Variants in ANKRD28 observed in about 807,000 individuals in gnomAD.
ANKRD28 encodes ankyrin repeat domain 28.
In ANKRD28, 44 loss-of-function variants were observed where a neutral mutation model predicts 126.5. The ratio of observed to expected loss-of-function variants is 0.35; its 90% CI spans 0.27 to 0.45. The LOEUF (loss-of-function observed/expected upper bound fraction) is 0.45, where lower values mean the gene tolerates loss of function less well. Among genes scored for constraint, ANKRD28 ranks in the 20% least tolerant of loss-of-function variants. ANKRD28 has a pLI of 1.00. For missense variants in ANKRD28, 1,110 were observed against 1,316.6 expected (o/e 0.84, Z 2.43); for synonymous variants, 442 against 468.5 (o/e 0.94, Z 0.73).
rs1287533089 is a variant in ANKRD28, at chr3:15,767,066, G to GT, written c.202-755dup. ...AAGTTTTTTCTTAACATTCCTGCTA[G>GT]TTTTACTTTCATCTCCAAAATATAT... On this transcript the variant is annotated intron_variant, in intron 2 of 27. Transcript: ENST00000683139. Among the ~76,000 whole-genome samples, 3 of 152,240 alleles carry GT rather than the reference G, an allele frequency of 2.0e-5. No individual in the cohort carries two copies. In the East Asian group the frequency reaches 5.8e-4, roughly 29 times the overall value.
intron 1 of ANKRD28, among the ~76,000 whole-genome samples, chr3:15,821,058 C>T (rs981907037): frequency 3.9e-5 from 6 of 152,088 alleles, no homozygotes; most frequent in African/African-American, 9.7e-5. Context: ...TATCCATTGC[C>T]GGATGTTTAG....
At chr3:15,731,638 G>A (rs1355501410) in intron 6 of ANKRD28, among the ~76,000 whole-genome samples, 1 of 151,956 alleles carries the variant, frequency 6.6e-6, no homozygotes, top group African/African-American at 2.4e-5. Context: ...AGGGACATTT[G>A]CAGAAGTTCA....
intron 1 of ANKRD28, among the ~76,000 whole-genome samples, chr3:15,807,917 C>T (rs1207076373): frequency 6.6e-6 from 1 of 152,196 alleles, no homozygotes; most frequent in Non-Finnish European, 1.5e-5. Context: ...GTTGGCTACT[C>T]ATATGGGGCA....
At chr3:15,771,740 G>A (rs77467265) in intron 2 of ANKRD28, among the ~76,000 whole-genome samples, 1 of 152,030 alleles carries the variant, frequency 6.6e-6, no homozygotes, top group African/African-American at 2.4e-5. Flanking sequence ...ACATCCAAAC[G>A]ATATCATTTA....
In ANKRD28 at chr3:15,814,628, A is replaced by AAC. The variant is rs140629073; in HGVS notation, c.28-19324_28-19323dup. On this transcript the variant is annotated intron_variant, in intron 1 of 27. Transcript: ENST00000399451. The surrounding 1 kb of genome is among the most constrained non-coding windows in gnomAD (Gnocchi z 4.7). ...GTCATTCTCATAAATCTTAAACACA[A>AAC]ACACACACACACACATATACACACA... 1.6e-4 allele frequency among the ~76,000 whole-genome samples: 24 copies of AAC among 151,278 alleles called. 1 individual carries two copies. In the South Asian group the frequency reaches 3.1e-3, roughly 20 times the overall value.
At chr3:15,731,378 CT>C (rs2074584635) in intron 6 of ANKRD28, among the ~76,000 whole-genome samples, 2 of 152,176 alleles carry the variant, frequency 1.3e-5, no homozygotes, top group South Asian at 4.1e-4. Context: ...ATGTAAGCCT[CT>C]TAACGTAAGA....
At chr3:15,859,441 T>G (rs760545920) in exon 1 of ANKRD28, 15 of 1,455,968 alleles carry the variant, frequency 1.0e-5, no homozygotes, top group East Asian at 5.4e-5. Context: ...CTCCTCCTCC[T>G]CCGCCGCTGC....
upstream of ANKRD28, among the ~76,000 whole-genome samples, chr3:15,798,619 C>A (rs2060380279): frequency 6.6e-6 from 1 of 151,814 alleles, no homozygotes; most frequent in African/African-American, 2.4e-5. Context: ...GGGAATAAAG[C>A]CTTAAAAATC....
chr3:15,794,810 A>C (rs1209242900), intron 2 of ANKRD28, among the ~76,000 whole-genome samples: 1 of 152,244 alleles, frequency 6.6e-6, no homozygotes, highest in Non-Finnish European at 1.5e-5. Context: ...ACTTACAAGA[A>C]TCCTCATTTG....
At chr3:15,731,013 T>G (rs1005732890) in intron 6 of ANKRD28, among the ~76,000 whole-genome samples, 1 of 152,230 alleles carries the variant, frequency 6.6e-6, no homozygotes, top group Non-Finnish European at 1.5e-5. Context: ...GCTAGTGCCT[T>G]GATCCTGGAC....
chr3:15,843,079 G>C lies in ANKRD28; in HGVS notation c.27+16298C>G, dbSNP rs932569849. Among the ~76,000 whole-genome samples, 2 of 152,294 alleles carry C rather than the reference G, an allele frequency of 1.3e-5. No individual in the cohort carries two copies. Among genetic ancestry groups the C allele is most frequent in the Non-Finnish European group, 2.9e-5 (2 of 68,028 alleles). The stretch of plus-strand genomic sequence containing the variant: ...GGTTTAACTGGCTCATCCTTTTGCA[G>C]GCTATACAGGAATCATAGTGGTATC... On this transcript the variant is annotated intron_variant, in intron 1 of 27. Transcript: ENST00000399451. The surrounding 1 kb of genome is among the most constrained non-coding windows in gnomAD (Gnocchi z 5.2).
Position 15,714,582 on chromosome 3 carries a change from C to G in ANKRD28, c.1071G>C (p.Gln357His). The change falls in exon 9 of 28, where the codon CAG becomes CAC. Residue 357 changes from glutamine to histidine, a missense_variant. Coordinates refer to ENST00000683139, the MANE Select transcript of ANKRD28 (RefSeq NM_001349278.2). The part of the protein sequence containing the change: ...GRFSRSQTII[Q>H]SGAVIDCEDK... ...AAAAACAGAAATACTTTTTACCACTCTGGATAATGGTTTGTGATCGGGAGA... is the reference window on the plus strand; with the variant it reads ...AAAAACAGAAATACTTTTTACCACTGTGGATAATGGTTTGTGATCGGGAGA... 6.4e-7 allele frequency: 1 copy of G among 1,550,752 alleles called. No homozygotes were observed. The highest frequency in any genetic ancestry group is 2.1e-5 in the Admixed American group (1 of 47,276).
intron 1 of ANKRD28, among the ~76,000 whole-genome samples, chr3:15,841,134 G>A (rs2061417732): frequency 6.6e-6 from 1 of 151,984 alleles, no homozygotes; most frequent in South Asian, 2.1e-4. Flanking sequence ...GCAAGACTGT[G>A]TCTCAAAAAA....
intron 4 of ANKRD28, among the ~76,000 whole-genome samples, chr3:15,740,118 AAAG>A (rs2075342264): frequency 2.0e-5 from 3 of 152,354 alleles, no homozygotes; most frequent in South Asian, 2.1e-4. Context: ...ACGTTGAACA[AAAG>A]AAGTCGTGAC....
chr3:15,714,459 T>A, intron 9 of ANKRD28, 119 bp downstream of exon 9: 1 of 700,432 alleles, frequency 1.4e-6, no homozygotes. Context: ...TGAAATCATG[T>A]ATTAAAAATA....
At position 15,845,310 on chromosome 3, in the gene ANKRD28, G is replaced by GTATATA. The variant is rs5846879; in HGVS notation, c.27+14061_27+14066dup. ...CACAATCTTCCAGAACATTTCTAAAGTATATATATATATATATTCCATATT... is the reference window on the plus strand; with the variant it reads ...CACAATCTTCCAGAACATTTCTAAAGTATATATATATATATATATATATTCCATATT... On this transcript the variant is annotated intron_variant, in intron 1 of 27. Transcript: ENST00000399451. The surrounding 1 kb of genome is among the most constrained non-coding windows in gnomAD (Gnocchi z 4.9). 6.6e-6 allele frequency among the ~76,000 whole-genome samples: 1 copy of GTATATA among 150,934 alleles called. No homozygotes were observed. The highest frequency in any genetic ancestry group is 1.5e-5 in the Non-Finnish European group (1 of 67,660).
chr3:15,670,105 C>T lies in ANKRD28; in HGVS notation c.*165G>A. 1 of 712,744 alleles carries T rather than the reference C, an allele frequency of 1.4e-6. No individual in the cohort carries two copies. The highest frequency in any genetic ancestry group is 3.0e-5 in the Admixed American group (1 of 32,890). 44.2% of individuals were successfully genotyped at this position (712,744 alleles called of 1,614,324 possible). A position where few individuals can be genotyped will look rare whatever the true frequency, so the allele number is the denominator to read the frequency against. On this transcript the variant is annotated 3_prime_UTR_variant, in exon 28 of 28. Coordinates refer to ENST00000683139, the MANE Select transcript of ANKRD28 (RefSeq NM_001349278.2). ...GATTCTAGAAGTTCCTTTTGTAAAA[C>T]TTGCCTTTAAAACTCTTCCTCCTAA... is the stretch of plus-strand genomic sequence containing the variant.
intron 1 of ANKRD28, among the ~76,000 whole-genome samples, chr3:15,829,401 C>T (rs937630799): frequency 2.0e-5 from 3 of 152,082 alleles, no homozygotes; most frequent in African/African-American, 7.2e-5. Flanking sequence ...TACTTGTGGA[C>T]AATCTTTGAT....
intron 9 of ANKRD28, among the ~76,000 whole-genome samples, 189 bp downstream of exon 9, chr3:15,714,389 G>T (rs536620340): frequency 6.6e-6 from 1 of 151,790 alleles, no homozygotes; most frequent in Non-Finnish European, 1.5e-5. Context: ...AAAAACAAAA[G>T]TATGAAAGAT....
Sources: allele counts gnomAD v4.1 joint callset (sites outside exome capture counted in the v4.1 genomes callset), GRCh38; gene constraint gnomAD v4.1.1; non-coding constraint Gnocchi (gnomAD v3.1); transcripts MANE v1.5; gene names NCBI Gene and HGNC (gene_info 2026-07-23, HGNC 2026-07-21).